Variants in TBCK observed in about 807,000 individuals in gnomAD.
TBCK encodes the protein TBC domain-containing protein kinase-like protein.
Under a neutral mutation model 113.4 loss-of-function variants are expected in TBCK, and 99 were observed. That is an observed-to-expected ratio of 0.87 (90% CI 0.74 to 1.03). The LOEUF (loss-of-function observed/expected upper bound fraction) is 1.03. Ranked by LOEUF, TBCK falls within the 50% of genes least tolerant of loss-of-function variation. The pLI, the probability that TBCK is intolerant of heterozygous loss-of-function variation, is 0.00. For synonymous variants in TBCK, 369 were observed against 370.8 expected, an observed-to-expected ratio of 1.00 and a Z score of 0.05; for missense variants, 1,045 against 1,061.3, an observed-to-expected ratio of 0.98 and a Z score of 0.21.
At chr4:106,164,373 T>C (rs1750134704) in intron 23 of TBCK, 1 of 152,070 alleles carries the variant, frequency 6.6e-6, no homozygotes. Context: ...TACATAATTG[T>C]ACTTTTCCTT....
At chr4:106,220,261 C>T (rs1044342800) in intron 19 of TBCK, among the ~76,000 whole-genome samples, 3 of 152,152 alleles carry the variant, frequency 2.0e-5, no homozygotes, top group Admixed American at 6.5e-5. Flanking sequence ...ATAAGTCTCA[C>T]GAGATCTGAC....
At chr4:106,153,030 T>C (rs1327428409) in intron 23 of TBCK, among the ~76,000 whole-genome samples, 3 of 152,118 alleles carry the variant, frequency 2.0e-5, no homozygotes, top group Non-Finnish European at 4.4e-5. Flanking sequence ...CTTTGTTTCA[T>C]TGATCTTCTG....
intron 25 of TBCK, among the ~76,000 whole-genome samples, chr4:106,088,157 T>C (rs1739734783): frequency 6.6e-6 from 1 of 151,924 alleles, no homozygotes; most frequent in Admixed American, 6.5e-5. Context: ...GTCATCAGAG[T>C]GAACAGGCAA....
intron 3 of TBCK, among the ~76,000 whole-genome samples, chr4:106,269,237 A>G (rs73838189): frequency 0.018 from 2,765 of 152,272 alleles, 76 homozygotes; most frequent in African/African-American, 0.061. Context: ...TTCAGATAAT[A>G]TTACAAGTGA....
At chr4:106,220,626 TACTC>T (rs1243799332) in intron 19 of TBCK, among the ~76,000 whole-genome samples, 14 of 152,058 alleles carry the variant, frequency 9.2e-5, no homozygotes, top group African/African-American at 2.4e-5. Context: ...AAAAAAAAGA[TACTC>T]AAGTAATACT....
intron 19 of TBCK, chr4:106,213,510 C>T (rs112720689): frequency 0.044 from 6,967 of 159,792 alleles, 519 homozygotes; most frequent in African/African-American, 0.16. Context: ...AGTGGGTGCG[C>T]GCACCGTGCG....
At chr4:106,224,571 AAAG>A (rs1758034391) in intron 19 of TBCK, among the ~76,000 whole-genome samples, 1 of 152,202 alleles carries the variant, frequency 6.6e-6, no homozygotes, top group Non-Finnish European at 1.5e-5. Flanking sequence ...ACACAGTAAC[AAAG>A]AAGTAAACTA....
intron 3 of TBCK, among the ~76,000 whole-genome samples, chr4:106,266,528 T>C (rs1383566604): frequency 2.0e-5 from 3 of 151,912 alleles, no homozygotes; most frequent in Non-Finnish European, 1.5e-5. Flanking sequence ...TTTTGCTAAT[T>C]GTGAGCTATT....
chr4:106,232,838 C>T, intron 17 of TBCK, 100 bp downstream of exon 17: 1 of 1,193,920 alleles, frequency 8.4e-7, no homozygotes, highest in Non-Finnish European at 1.2e-6. Context: ...ATTGACTTTC[C>T]CCAAAGACAA....
intron 25 of TBCK, among the ~76,000 whole-genome samples, chr4:106,079,317 TAGCC>T (rs1738589143): frequency 6.6e-6 from 1 of 152,158 alleles, no homozygotes; most frequent in Non-Finnish European, 1.5e-5. Flanking sequence ...CTGGAAGTCT[TAGCC>T]AGGGCAATCA....
chr4:106,280,607 T>C (rs1764491519), intron 3 of TBCK, among the ~76,000 whole-genome samples: 1 of 152,096 alleles, frequency 6.6e-6, no homozygotes, highest in Non-Finnish European at 1.5e-5. Context: ...GAATTTTTGT[T>C]TATGTTGAGA....
At chr4:106,088,751 A>G (rs1036876596) in intron 25 of TBCK, among the ~76,000 whole-genome samples, 1 of 152,254 alleles carries the variant, frequency 6.6e-6, no homozygotes, top group Non-Finnish European at 1.5e-5. Flanking sequence ...TGAAGCCATA[A>G]AAAGGAATGA....
chr4:106,242,629 A>C (rs1055188139), intron 11 of TBCK, 60 bp from the exon 12 acceptor site: 8 of 1,231,340 alleles, frequency 6.5e-6, no homozygotes, highest in African/African-American at 1.5e-5. Flanking sequence ...TTTCTTCTAG[A>C]AAGTAAAGTT....
chr4:106,194,664 G>A (rs756854971), intron 21 of TBCK, 54 bp downstream of exon 21: 51 of 1,391,408 alleles, frequency 3.7e-5, no homozygotes, highest in Middle Eastern at 1.8e-4. Flanking sequence ...GGGAGGCATC[G>A]GGCTGTCCTT....
At chr4:106,094,595 A>C (rs1740701439) in intron 25 of TBCK, among the ~76,000 whole-genome samples, 1 of 152,206 alleles carries the variant, frequency 6.6e-6, no homozygotes. Context: ...ATCAAGGCAA[A>C]TATTTTGTCT....
intron 22 of TBCK, among the ~76,000 whole-genome samples, chr4:106,185,416 T>C (rs561084284): frequency 7.2e-5 from 11 of 152,194 alleles, no homozygotes; most frequent in Admixed American, 2.6e-4. Flanking sequence ...TTAATTGTTG[T>C]ACAGCAGATC....
rs575745738 is a variant in TBCK at position 106,200,355 on chromosome 4, C to A, written c.1861-5601G>T. Among the ~76,000 whole-genome samples, 11 of 152,200 alleles carry A rather than the reference C, an allele frequency of 7.2e-5. No homozygotes were observed. The South Asian group carries it at 2.3e-3, about 31-fold the overall frequency. ...AAGAATCCAAGACCAGCCTGGGTAA[C>A]ATAGGGAGACCTCATGTCTACAAAA... On this transcript the variant is annotated intron_variant, in intron 20 of 25. Coordinates refer to ENST00000394708, the MANE Select transcript of TBCK (RefSeq NM_001163435.3).
intron 22 of TBCK, among the ~76,000 whole-genome samples, chr4:106,174,664 A>T (rs924740334): frequency 6.6e-6 from 1 of 152,076 alleles, no homozygotes; most frequent in African/African-American, 2.4e-5. Flanking sequence ...TTTCTTTTTA[A>T]ATCTTCTATT....
At chr4:106,115,913 A>G (rs534961747) in intron 24 of TBCK, among the ~76,000 whole-genome samples, 6 of 152,310 alleles carry the variant, frequency 3.9e-5, no homozygotes, top group African/African-American at 1.4e-4. Context: ...TACAGCATGA[A>G]GGATTCAAAT....
Sources: gnomAD v4.1 joint callset for allele counts (sites outside exome capture counted in the v4.1 genomes callset) on GRCh38, gnomAD v4.1.1 for gene constraint, MANE v1.5 for transcripts, NCBI Gene and HGNC (gene_info 2026-07-23, HGNC 2026-07-21) for gene names.